Variants in CHRNB3 observed in about 807,000 individuals in gnomAD.
CHRNB3 encodes neuronal acetylcholine receptor subunit beta-3.
In CHRNB3, 37 loss-of-function variants were observed where a neutral mutation model predicts 40.6. The observed-to-expected ratio is 0.91, with a 90% CI of 0.70 to 1.20. CHRNB3 has a LOEUF of 1.20. Among genes scored for constraint, CHRNB3 ranks in the 50% most tolerant of loss-of-function variants. The pLI is 0.00. For missense variants in CHRNB3, 505 were observed against 551.2 expected (o/e 0.92, Z 0.84); for synonymous variants, 207 against 207.1 (o/e 1.00, Z 0.00).
chr8:42,724,927 G>A lies in CHRNB3; in HGVS notation c.250-5667G>A, dbSNP rs1017498673. On this transcript the variant is annotated intron_variant, in intron 3 of 5. Transcript: ENST00000289957. ...GAACCCGGGAGGCGGAGGTTGCAGTGAGCCAAGACTGTGCCACTGCACTTC... is the reference window on the plus strand; with the variant it reads ...GAACCCGGGAGGCGGAGGTTGCAGTAAGCCAAGACTGTGCCACTGCACTTC... Among the ~76,000 whole-genome samples the A allele has an allele frequency of 2.0e-5, 3 of 152,044 alleles. No homozygotes were observed. The East Asian group carries it at 5.9e-4, about 30-fold the overall frequency.
At position 42,697,584 on chromosome 8, in the gene CHRNB3, G is replaced by T; in HGVS notation, c.38G>T (p.Gly13Val). The change falls in exon 1 of 6, where the codon GGC (glycine) becomes GTC (valine). Residue 13 changes from glycine (G) to valine (V), a missense_variant. Gly to Val is a moderately radical substitution (Grantham distance 109). Coordinates refer to ENST00000289957, the MANE Select transcript of CHRNB3 (RefSeq NM_000749.5). Reference sequence around the variant, plus strand: ...TTTATGCTGGTTCTCATCGTCCTTGGCATCCCTTCCTCAGGTAAGCACAAG... The same window carrying T: ...TTTATGCTGGTTCTCATCGTCCTTGTCATCCCTTCCTCAGGTAAGCACAAG... ...PDFMLVLIVL[G>V]IPSSATTGFN... is the part of the protein sequence containing the mutation. 6.2e-7 allele frequency: 1 copy of T among 1,613,402 alleles called. No homozygotes were observed. The highest frequency in any genetic ancestry group is 1.3e-5 in the African/African-American group (1 of 75,020).
chr8:42,706,471 A>AAG (rs1260221433), intron 1 of CHRNB3, among the ~76,000 whole-genome samples: 3 of 152,120 alleles, frequency 2.0e-5, no homozygotes, highest in African/African-American at 7.2e-5. Flanking sequence ...GCAGGAGCCC[A>AAG]AGAGAGAGAG....
intron 3 of CHRNB3, among the ~76,000 whole-genome samples, chr8:42,718,441 AG>A (rs1307386321): frequency 6.6e-6 from 1 of 152,094 alleles, no homozygotes; most frequent in Non-Finnish European, 1.5e-5. Flanking sequence ...TGGGAGGCTG[AG>A]GCAGGCAGAT....
chr8:42,706,865 ATCC>A (rs1354285602), intron 1 of CHRNB3, among the ~76,000 whole-genome samples: 1 of 152,118 alleles, frequency 6.6e-6, no homozygotes, highest in Non-Finnish European at 1.5e-5. Flanking sequence ...GACTCAAGCC[ATCC>A]TCCTGCCCCA....
At chr8:42,699,280 T>G (rs1815734912) in intron 1 of CHRNB3, 1 of 152,216 alleles carries the variant, frequency 6.6e-6, no homozygotes, top group African/African-American at 2.4e-5. Flanking sequence ...ATTTTGTGTG[T>G]GCTATCTGCT....
chr8:42,737,035 G>A lies in CHRNB3; in HGVS notation c.*417G>A, dbSNP rs959993427. 1.6e-5 allele frequency: 3 copies of A among 182,882 alleles called. No individual in the cohort carries two copies. Among genetic ancestry groups the A allele is most frequent in the Non-Finnish European group, 3.4e-5 (3 of 87,446 alleles). 11.3% of individuals were successfully genotyped at this position (182,882 alleles called of 1,614,324 possible). On this transcript the variant is annotated 3_prime_UTR_variant, in exon 6 of 6. Coordinates refer to ENST00000289957, the MANE Select transcript of CHRNB3 (RefSeq NM_000749.5). ...CGAGCTATCTGTGTGGGCAGAGCCT[G>A]GATCTCCCACCCTGCACTGGCCTCC...
rs1815883535 is a variant in CHRNB3, at chr8:42,704,441, G to GAAGAGC, written c.53-4275_53-4274insAGAGCA. ...CTGCTTGCTGCCCCTGGATCTTGGT[G>GAAGAGC]AGGAGCAGGATTCCTGTACCTTCAC... is the stretch of plus-strand genomic sequence containing the variant. On this transcript the variant is annotated intron_variant, in intron 1 of 5. Coordinates refer to ENST00000289957, the MANE Select transcript of CHRNB3 (RefSeq NM_000749.5). 2.6e-5 allele frequency: 4 copies of GAAGAGC among 152,332 alleles called. No individual in the cohort carries two copies. In the South Asian group the frequency reaches 8.3e-4, roughly 32 times the overall value. 9.4% of individuals were successfully genotyped at this position (152,332 alleles called of 1,614,324 possible).
chr8:42,713,781 C>T (rs565378298), intron 3 of CHRNB3, among the ~76,000 whole-genome samples: 49 of 152,288 alleles, frequency 3.2e-4, no homozygotes, highest in African/African-American at 1.1e-3. Flanking sequence ...ACCTCTCTAC[C>T]ACCTGACTTA....
At chr8:42,706,571 G>T (rs1017153157) in intron 1 of CHRNB3, among the ~76,000 whole-genome samples, 1 of 151,970 alleles carries the variant, frequency 6.6e-6, no homozygotes, top group African/African-American at 2.4e-5. Context: ...CCCGACGTAG[G>T]GTGGGAGAAA....
chr8:42,717,352 T>C (rs376238053), intron 3 of CHRNB3, among the ~76,000 whole-genome samples: 33 of 62,120 alleles, frequency 5.3e-4, no homozygotes, highest in African/African-American at 1.6e-3. Flanking sequence ...CCAGCCTGGG[T>C]GACAGAGCGA....
intron 3 of CHRNB3, among the ~76,000 whole-genome samples, chr8:42,718,481 A>G (rs185989786): frequency 0.057 from 8,678 of 151,536 alleles, 325 homozygotes; most frequent in Middle Eastern, 0.11. Flanking sequence ...AGACCATCCT[A>G]GCTAACACAG....
chr8:42,710,659 T>G (rs1204328063), intron 3 of CHRNB3, among the ~76,000 whole-genome samples: 1 of 152,204 alleles, frequency 6.6e-6, no homozygotes, highest in African/African-American at 2.4e-5. Flanking sequence ...GCAGTAGAGC[T>G]GCTCGTGGAG....
chr8:42,720,789 A>T (rs1816207871), intron 3 of CHRNB3, among the ~76,000 whole-genome samples: 1 of 152,242 alleles, frequency 6.6e-6, no homozygotes. Flanking sequence ...GGCTTGCCCT[A>T]GTTCTCTTAG....
At chr8:42,700,114 C>T (rs368659756) in intron 1 of CHRNB3, among the ~76,000 whole-genome samples, 2 of 150,384 alleles carry the variant, frequency 1.3e-5, no homozygotes, top group Non-Finnish European at 3.0e-5. Flanking sequence ...CCCGGGTTCA[C>T]GCCATTCTCC....
intron 3 of CHRNB3, among the ~76,000 whole-genome samples, chr8:42,723,796 A>G (rs1446119258): frequency 1.3e-5 from 2 of 152,188 alleles, no homozygotes; most frequent in African/African-American, 2.4e-5. Flanking sequence ...AATATTTATT[A>G]TATTTTAGTC....
chr8:42,729,324 G>A (rs936643839), intron 3 of CHRNB3, among the ~76,000 whole-genome samples: 26 of 152,066 alleles, frequency 1.7e-4, no homozygotes, highest in Middle Eastern at 6.8e-3. Context: ...GCAGGAGAAT[G>A]GCGTGAACCT....
In CHRNB3 at chr8:42,731,042, G is replaced by A. The variant is rs1021480018; in HGVS notation, c.359+339G>A. Among the ~76,000 whole-genome samples the A allele has an allele frequency of 5.4e-5, 7 of 130,008 alleles. No individual in the cohort carries two copies. The East Asian group carries it at 1.4e-3, about 26-fold the overall frequency. 85.3% of individuals were successfully genotyped at this position (130,008 alleles called of 152,430 possible). A position where few individuals can be genotyped will look rare whatever the true frequency, so the allele number is the denominator to read the frequency against. Reference sequence around the variant, plus strand: ...CGCAGTCCGGCCTGGGCGACAGAGCGAGACTCCGTCTCAAAAAATAAATAA... The same window carrying A: ...CGCAGTCCGGCCTGGGCGACAGAGCAAGACTCCGTCTCAAAAAATAAATAA... On this transcript the variant is annotated intron_variant, in intron 4 of 5. Transcript: ENST00000289957.
chr8:42,720,809 TA>T (rs1158370972), intron 3 of CHRNB3, among the ~76,000 whole-genome samples: 2 of 152,224 alleles, frequency 1.3e-5, no homozygotes, highest in Admixed American at 6.5e-5. Context: ...GAACAATTTA[TA>T]AAGCTGGTAT....
At chr8:42,710,519 T>A in intron 3 of CHRNB3, 85 bp downstream of exon 3, 1 of 1,043,766 alleles carries the variant, frequency 9.6e-7, no homozygotes, top group Non-Finnish European at 1.5e-6. Context: ...AACAATTATT[T>A]AAGAGGGCAT....
Sources: gnomAD v4.1 joint callset for allele counts (sites outside exome capture counted in the v4.1 genomes callset) on GRCh38, gnomAD v4.1.1 for gene constraint, MANE v1.5 for transcripts, NCBI Gene and HGNC (gene_info 2026-07-23, HGNC 2026-07-21) for gene names.